Variants in ARID4B observed in about 807,000 individuals in gnomAD.
The protein encoded by ARID4B is AT-rich interactive domain-containing protein 4B.
ARID4B carries 26 observed loss-of-function variants against 147.5 expected under a neutral mutation model. The ratio of observed to expected loss-of-function variants is 0.18; its 90% CI spans 0.13 to 0.24. The LOEUF is 0.24. ARID4B is among the 10% of genes least tolerant of loss of function. The pLI is 1.00. For synonymous variants in ARID4B, 512 were observed against 507.9 expected (o/e 1.01, Z -0.11); for missense variants, 1,179 against 1,511.5 (o/e 0.78, Z 3.65).
At chr1:235,228,300 T>C (rs1223048601) in intron 11 of ARID4B, 1 of 144,246 alleles carries the variant, frequency 6.9e-6, no homozygotes, top group Non-Finnish European at 1.5e-5. Context: ...TTTTTTTTTT[T>C]TTTTTTTTTT....
At chr1:235,314,644 T>C (rs1446952803) in intron 2 of ARID4B, among the ~76,000 whole-genome samples, 2 of 152,082 alleles carry the variant, frequency 1.3e-5, no homozygotes, top group African/African-American at 4.8e-5. Context: ...CATCACTAAG[T>C]AGCAGGAAAA....
At chr1:235,245,625 A>C (rs868623587) in intron 7 of ARID4B, among the ~76,000 whole-genome samples, 1 of 152,218 alleles carries the variant, frequency 6.6e-6, no homozygotes, top group African/African-American at 2.4e-5. Context: ...AACACCAGGA[A>C]GCAGAATTTT....
At chr1:235,231,214 A>G in intron 9 of ARID4B, 25 bp from the exon 10 acceptor site, 1 of 1,375,150 alleles carries the variant, frequency 7.3e-7, no homozygotes, top group Non-Finnish European at 9.9e-7. Context: ...TAATTATAAG[A>G]GAAGAAAAAA....
chr1:235,299,048 G>A (rs1337449802), intron 2 of ARID4B, among the ~76,000 whole-genome samples: 2 of 152,046 alleles, frequency 1.3e-5, no homozygotes, highest in African/African-American at 4.8e-5. Flanking sequence ...GAACCCAGGA[G>A]TTCCAAGCCA....
At chr1:235,234,366 G>T in intron 9 of ARID4B, 47 bp downstream of exon 9, 1 of 1,184,454 alleles carries the variant, frequency 8.4e-7, no homozygotes, top group Non-Finnish European at 1.2e-6. Flanking sequence ...CAAAATAACA[G>T]CATATATTTA....
intron 2 of ARID4B, among the ~76,000 whole-genome samples, chr1:235,322,280 A>C (rs1674896852): frequency 6.6e-6 from 1 of 152,060 alleles, no homozygotes; most frequent in Non-Finnish European, 1.5e-5. Flanking sequence ...TCAACCTCCC[A>C]AAGTGCTGGG....
At chr1:235,185,895 T>TAAA (rs955082787) in intron 19 of ARID4B, among the ~76,000 whole-genome samples, 3 of 151,946 alleles carry the variant, frequency 2.0e-5, no homozygotes, top group Admixed American at 2.0e-4. Context: ...ATGACTCTAT[T>TAAA]AATTTATTCG....
intron 9 of ARID4B, among the ~76,000 whole-genome samples, chr1:235,232,818 GT>G (rs540949193): frequency 1.1e-4 from 17 of 151,932 alleles, no homozygotes; most frequent in Admixed American, 1.1e-3. Context: ...GTTAAAGTTG[GT>G]TCTACATTTT....
At position 235,167,848 on chromosome 1, in the gene ARID4B, GA is replaced by G; in HGVS notation, c.*676del. On this transcript the variant is annotated 3_prime_UTR_variant, in exon 24 of 24. Coordinates refer to ENST00000264183, the MANE Select transcript of ARID4B (RefSeq NM_016374.6). ...AATTAAAAAAAAATACTGATTTATA[GA>G]AAAATGGCAAAGTACAGTAGTTCCA... is the stretch of plus-strand genomic sequence containing the variant. The G allele has an allele frequency of 1.5e-5, 3 of 195,082 alleles. No homozygotes were observed. Among genetic ancestry groups the G allele is most frequent in the East Asian group, 8.1e-5 (1 of 12,282 alleles). 12.1% of individuals were successfully genotyped at this position (195,082 alleles called of 1,614,324 possible). A position where few individuals can be genotyped will look rare whatever the true frequency, so the allele number is the denominator to read the frequency against.
At position 235,294,421 on chromosome 1, in the gene ARID4B, T is replaced by C. The variant is rs74372155; in HGVS notation, c.6+32493A>G. ...TCCGCCTCCCGGGTTCAAGCAATTCTCCCGCTTGAACCCAGGGGTTCAAGC... is the reference window on the plus strand; with the variant it reads ...TCCGCCTCCCGGGTTCAAGCAATTCCCCCGCTTGAACCCAGGGGTTCAAGC... On this transcript the variant is annotated intron_variant, in intron 2 of 23. Transcript: ENST00000264183. Among the ~76,000 whole-genome samples, 343 of 124,204 alleles carry C rather than the reference T, an allele frequency of 2.8e-3. 12 individuals are homozygous for C. The East Asian group carries it at 0.067, about 24-fold the overall frequency. The allele number at this position is 124,204 out of a possible 152,430, so 81.5% of individuals were successfully genotyped here.
intron 2 of ARID4B, among the ~76,000 whole-genome samples, chr1:235,319,514 AAAAAT>A (rs776585048): frequency 6.6e-6 from 1 of 152,248 alleles, no homozygotes; most frequent in Non-Finnish European, 1.5e-5. Context: ...ATGTCTCAAA[AAAAAT>A]AAAATAAAAG....
intron 2 of ARID4B, among the ~76,000 whole-genome samples, chr1:235,322,927 A>C (rs1285008421): frequency 1.3e-5 from 2 of 152,216 alleles, no homozygotes; most frequent in Non-Finnish European, 2.9e-5. Context: ...GGCATTAAAA[A>C]AGGGAATTTG....
intron 2 of ARID4B, among the ~76,000 whole-genome samples, chr1:235,300,187 G>T (rs1001079891): frequency 1.3e-5 from 2 of 151,906 alleles, no homozygotes; most frequent in Non-Finnish European, 2.9e-5. Flanking sequence ...AGGCTGAGGC[G>T]GGCAAACCGC....
Position 235,168,662 on chromosome 1 carries a change from AG to A in ARID4B, c.3812-11del, listed in dbSNP as rs372904014. The A allele has an allele frequency of 2.6e-4, 426 of 1,609,492 alleles. 1 individual carries two copies. In the South Asian group the frequency reaches 4.4e-3, roughly 17 times the overall value. Reference sequence around the variant, plus strand: ...GAGGATGTAGCAGCACCTAAGGAAAAGGGAGACCAAACCAAGAGCTTAATAA... The same window carrying A: ...GAGGATGTAGCAGCACCTAAGGAAAAGGAGACCAAACCAAGAGCTTAATAA... On this transcript the variant is annotated splice_polypyrimidine_tract_variant and intron_variant, in intron 23 of 23. Transcript: ENST00000264183.
Position 235,196,018 on chromosome 1 carries a change from A to C in ARID4B, c.1926+13T>G. ...TTAAGAGCTAATAGTGTGTAGTAAA[A>C]ACAAGCACTTACCTTTATTTTCTTC... On this transcript the variant is annotated intron_variant, in intron 18 of 23. Transcript: ENST00000264183. 3 of 1,556,930 alleles carry C rather than the reference A, an allele frequency of 1.9e-6. No individual in the cohort carries two copies. Among genetic ancestry groups the C allele is most frequent in the African/African-American group, 1.4e-5 (1 of 73,054 alleles).
At chr1:235,251,835 CT>C (rs1669664413) in intron 6 of ARID4B, among the ~76,000 whole-genome samples, 1 of 152,074 alleles carries the variant, frequency 6.6e-6, no homozygotes, top group Non-Finnish European at 1.5e-5. Flanking sequence ...CAACATCTAC[CT>C]TTTAAATTCT....
At chr1:235,288,050 T>C (rs541175612) in intron 2 of ARID4B, among the ~76,000 whole-genome samples, 2 of 152,372 alleles carry the variant, frequency 1.3e-5, no homozygotes, top group African/African-American at 4.8e-5. Context: ...CTCATGCCTG[T>C]AATCCCAGCA....
intron 17 of ARID4B, among the ~76,000 whole-genome samples, chr1:235,210,842 T>C (rs1430895453): frequency 6.6e-6 from 1 of 151,502 alleles, no homozygotes; most frequent in African/African-American, 2.4e-5. Context: ...ATTCTTTCCT[T>C]TCCCTTCCTG....
At chr1:235,252,879 C>G in intron 5 of ARID4B, 70 bp from the exon 6 acceptor site, 1 of 1,306,612 alleles carries the variant, frequency 7.7e-7, no homozygotes, top group Non-Finnish European at 1.1e-6. Context: ...ACATGTATTA[C>G]AATTTTCTGA....
Sources: allele counts gnomAD v4.1 joint callset (sites outside exome capture counted in the v4.1 genomes callset), GRCh38; gene constraint gnomAD v4.1.1; transcripts MANE v1.5; gene names NCBI Gene and HGNC (gene_info 2026-07-23, HGNC 2026-07-21).